The following SLC26A7 variants were observed in gnomAD, a reference collection of about 807,000 sequenced individuals.
SLC26A7 encodes the protein solute carrier family 26 member 7.
In SLC26A7, 59 loss-of-function variants were observed where a neutral mutation model predicts 82.5. That is an observed-to-expected ratio of 0.72 (90% CI 0.58 to 0.89). The LOEUF (loss-of-function observed/expected upper bound fraction) is 0.89. SLC26A7 is among the 40% of genes least tolerant of loss of function. The pLI is 0.00. For synonymous variants in SLC26A7, 271 were observed against 274.3 expected, an observed-to-expected ratio of 0.99 and a Z score of 0.12; for missense variants, 820 against 793.0, an observed-to-expected ratio of 1.03 and a Z score of -0.41.
chr8:91,309,305 A>G (rs747680155), intron 4 of SLC26A7, among the ~76,000 whole-genome samples: 8 of 151,348 alleles, frequency 5.3e-5, no homozygotes, highest in Middle Eastern at 3.5e-3. Flanking sequence ...ATATGTATTT[A>G]TATATCCATC....
chr8:91,213,451 CTG>C (rs1456186123), intron 1 of SLC26A7, among the ~76,000 whole-genome samples: 13 of 152,252 alleles, frequency 8.5e-5, no homozygotes, highest in Admixed American at 2.6e-4. Context: ...TCACTTATCA[CTG>C]TGGCATGGCA....
At chr8:91,249,295 A>G (rs1810593412), upstream of SLC26A7, 1 of 160,160 alleles carries the variant, frequency 6.2e-6, no homozygotes, top group African/African-American at 2.4e-5. Context: ...AGTGAATATA[A>G]GGGGAATTAC....
chr8:91,294,652 A>G (rs1470615869), intron 3 of SLC26A7, among the ~76,000 whole-genome samples: 4 of 152,176 alleles, frequency 2.6e-5, no homozygotes, highest in African/African-American at 7.2e-5. Flanking sequence ...AAATTTGCCA[A>G]CGCCTCTTTG....
At chr8:91,238,014 C>T (rs1470942659) in intron 2 of SLC26A7, among the ~76,000 whole-genome samples, 1 of 152,086 alleles carries the variant, frequency 6.6e-6, no homozygotes, top group Admixed American at 6.6e-5. Context: ...ATAGTATCAC[C>T]ATATATGTAG....
intron 4 of SLC26A7, among the ~76,000 whole-genome samples, chr8:91,305,796 T>C (rs565441367): frequency 6.6e-6 from 1 of 152,336 alleles, no homozygotes; most frequent in Admixed American, 6.5e-5. Flanking sequence ...TAATGTGTAC[T>C]TGGCTCATCT....
intron 9 of SLC26A7, chr8:91,343,812 T>C (rs1056510486): frequency 2.4e-5 from 6 of 253,092 alleles, no homozygotes; most frequent in Admixed American, 2.0e-4. Context: ...CCTTTAAATA[T>C]ATAAAATCGA....
chr8:91,364,424 T>C (rs917006620), intron 13 of SLC26A7, among the ~76,000 whole-genome samples: 1 of 152,188 alleles, frequency 6.6e-6, no homozygotes, highest in Non-Finnish European at 1.5e-5. Context: ...AGGGAATGGC[T>C]TATGTTTTTA....
chr8:91,300,272 T>C (rs905158989), intron 4 of SLC26A7, among the ~76,000 whole-genome samples: 3 of 152,250 alleles, frequency 2.0e-5, no homozygotes, highest in Admixed American at 2.0e-4. Context: ...TTTACCATTA[T>C]GTCCTCTGGC....
chr8:91,364,779 G>A (rs979905145), intron 13 of SLC26A7, among the ~76,000 whole-genome samples: 10 of 152,180 alleles, frequency 6.6e-5, no homozygotes, highest in Non-Finnish European at 1.5e-4. Context: ...GAGGGGATTT[G>A]TAGGAAGATG....
At chr8:91,248,252 C>A (rs558624671), upstream of SLC26A7, among the ~76,000 whole-genome samples, 2 of 152,038 alleles carry the variant, frequency 1.3e-5, no homozygotes, top group Admixed American at 1.3e-4. Flanking sequence ...TGCGTCTCTT[C>A]GTTGGATTTA....
At chr8:91,343,276 A>G (rs1813468374) in intron 8 of SLC26A7, 77 bp from the exon 9 acceptor site, 1 of 885,308 alleles carries the variant, frequency 1.1e-6, no homozygotes, top group East Asian at 2.6e-5. Flanking sequence ...AAGCCTCATT[A>G]TGTGACAAAT....
At chr8:91,387,294 A>G (rs768626235) in intron 15 of SLC26A7, among the ~76,000 whole-genome samples, 14 of 152,228 alleles carry the variant, frequency 9.2e-5, no homozygotes, top group Non-Finnish European at 1.6e-4. Context: ...GATAAATCTT[A>G]TGTTTAATTA....
chr8:91,365,613 A>G (rs986140049), intron 13 of SLC26A7, among the ~76,000 whole-genome samples: 1 of 152,244 alleles, frequency 6.6e-6, no homozygotes, highest in Non-Finnish European at 1.5e-5. Context: ...CTCACTTTGC[A>G]AAGTTCAATC....
chr8:91,384,497 G>A (rs777300633), intron 15 of SLC26A7, among the ~76,000 whole-genome samples: 19 of 152,004 alleles, frequency 1.2e-4, no homozygotes, highest in East Asian at 7.7e-4. Flanking sequence ...CAACATATTC[G>A]CAGTTTCTGG....
chr8:91,262,338 G>C (rs1163098526), intron 2 of SLC26A7, among the ~76,000 whole-genome samples: 1 of 152,082 alleles, frequency 6.6e-6, no homozygotes, highest in African/African-American at 2.4e-5. Context: ...GGAGAAACTA[G>C]TCAGGATTAG....
At chr8:91,385,147 T>G (rs1814766791) in intron 15 of SLC26A7, among the ~76,000 whole-genome samples, 1 of 152,194 alleles carries the variant, frequency 6.6e-6, no homozygotes, top group Admixed American at 6.5e-5. Flanking sequence ...ATGTTGTTTT[T>G]GTGTAGATAA....
At chr8:91,333,732 A>C (rs1181512081) in intron 5 of SLC26A7, among the ~76,000 whole-genome samples, 1 of 152,080 alleles carries the variant, frequency 6.6e-6, no homozygotes, top group African/African-American at 2.4e-5. Context: ...ATTTTTTACT[A>C]TGTAGACCTC....
exon 2 of SLC26A7, chr8:91,218,928 C>A: frequency 2.6e-6 from 4 of 1,550,728 alleles, no homozygotes; most frequent in Non-Finnish European, 3.5e-6. Context: ...TGGTGCCTCT[C>A]CAAGTATTAA....
chr8:91,255,947 A>G (rs778590935), intron 2 of SLC26A7, among the ~76,000 whole-genome samples: 2 of 152,120 alleles, frequency 1.3e-5, no homozygotes, highest in African/African-American at 2.4e-5. Flanking sequence ...CCTGCTATGA[A>G]CCATCCCTGC....
Sources: gnomAD v4.1 joint callset for allele counts (sites outside exome capture counted in the v4.1 genomes callset) on GRCh38, gnomAD v4.1.1 for gene constraint, MANE v1.5 for transcripts, NCBI Gene and HGNC (gene_info 2026-07-23, HGNC 2026-07-21) for gene names.